STXBP5L: variants seen among roughly 807,000 people sequenced by gnomAD.
STXBP5L encodes the protein syntaxin binding protein 5L.
STXBP5L carries 65 observed loss-of-function variants against 144.5 expected under a neutral mutation model. That is an observed-to-expected ratio of 0.45 (90% confidence interval 0.37 to 0.55). STXBP5L has a LOEUF of 0.55. STXBP5L is among the 20% of genes least tolerant of loss of function. The probability of loss-of-function intolerance (pLI) is 0.00; values close to 1 mark genes in which losing one functional copy is unlikely to be tolerated. For synonymous variants in STXBP5L, 505 were observed against 469.6 expected (o/e 1.08, Z -0.97); for missense variants, 1,298 against 1,405.5 (o/e 0.92, Z 1.22).
intron 9 of STXBP5L, among the ~76,000 whole-genome samples, chr3:121,183,793 C>T (rs1021701793): frequency 6.6e-6 from 1 of 152,080 alleles, no homozygotes; most frequent in Non-Finnish European, 1.5e-5. Flanking sequence ...CAGGGGTTGA[C>T]AGACACCTCA....
At chr3:121,289,322 A>G (rs1457309228) in intron 19 of STXBP5L, among the ~76,000 whole-genome samples, 1 of 152,150 alleles carries the variant, frequency 6.6e-6, no homozygotes, top group Admixed American at 6.5e-5. Flanking sequence ...ATTAAATATG[A>G]TAAAAGGACT....
chr3:121,193,964 CATATA>C (rs1241737140), intron 9 of STXBP5L, among the ~76,000 whole-genome samples: 1 of 72,326 alleles, frequency 1.4e-5, no homozygotes, highest in Non-Finnish European at 2.7e-5. Flanking sequence ...TAGAAGTTAA[CATATA>C]ATAATAATAA....
chr3:121,303,252 A>C (rs1469305120), intron 19 of STXBP5L, among the ~76,000 whole-genome samples: 1 of 152,282 alleles, frequency 6.6e-6, no homozygotes, highest in Non-Finnish European at 1.5e-5. Context: ...GAAGACATTT[A>C]CACAGCCAAA....
intron 5 of STXBP5L, among the ~76,000 whole-genome samples, chr3:121,053,387 A>G (rs1256853895): frequency 6.6e-6 from 1 of 152,238 alleles, no homozygotes; most frequent in African/African-American, 2.4e-5. Context: ...CTGGTACCAA[A>G]ACAGAGATAT....
At chr3:121,036,301 C>A (rs1382398773) in intron 3 of STXBP5L, among the ~76,000 whole-genome samples, 2 of 152,116 alleles carry the variant, frequency 1.3e-5, no homozygotes, top group Non-Finnish European at 2.9e-5. Flanking sequence ...CCACTGTACT[C>A]CAGCCTGGGC....
intron 5 of STXBP5L, among the ~76,000 whole-genome samples, chr3:121,097,758 C>T (rs9853078): frequency 0.21 from 32,580 of 151,970 alleles, 3,706 homozygotes; most frequent in Non-Finnish European, 0.26. Context: ...TGTTCCTATT[C>T]GGCCATTTTG....
intron 7 of STXBP5L, among the ~76,000 whole-genome samples, chr3:121,141,512 T>C (rs1324486279): frequency 1.3e-5 from 2 of 152,134 alleles, no homozygotes; most frequent in East Asian, 1.9e-4. Flanking sequence ...ATTAGGACAG[T>C]GCAAAAGTAA....
At chr3:121,048,321 C>A (rs1947667554) in intron 5 of STXBP5L, among the ~76,000 whole-genome samples, 1 of 152,052 alleles carries the variant, frequency 6.6e-6, no homozygotes, top group South Asian at 2.1e-4. Context: ...AATTATGTGT[C>A]TTGGCCATGG....
intron 20 of STXBP5L, among the ~76,000 whole-genome samples, chr3:121,344,680 G>C (rs2044878599): frequency 6.6e-6 from 1 of 152,114 alleles, no homozygotes; most frequent in Admixed American, 6.6e-5. Context: ...GGAGGTTAAA[G>C]TACCCAATAA....
intron 7 of STXBP5L, among the ~76,000 whole-genome samples, chr3:121,136,534 T>C (rs2045265437): frequency 1.3e-5 from 2 of 152,284 alleles, no homozygotes; most frequent in African/African-American, 4.8e-5. Flanking sequence ...AGCTACCATC[T>C]CACACCAGTG....
chr3:121,182,059 G>T, intron 9 of STXBP5L, among the ~76,000 whole-genome samples: 1 of 152,016 alleles, frequency 6.6e-6, no homozygotes, highest in East Asian at 1.9e-4. Context: ...GAGAGAGATG[G>T]CAACACAGTA....
chr3:121,052,852 G>A (rs1395063093), intron 5 of STXBP5L, among the ~76,000 whole-genome samples: 3 of 152,142 alleles, frequency 2.0e-5, no homozygotes, highest in Non-Finnish European at 2.9e-5. Flanking sequence ...AAACCCCATT[G>A]TCTCAGCCCA....
intron 22 of STXBP5L, among the ~76,000 whole-genome samples, chr3:121,396,304 A>T (rs961104855): frequency 9.2e-5 from 14 of 152,204 alleles, no homozygotes; most frequent in Non-Finnish European, 1.9e-4. Context: ...TGTCCTTGAG[A>T]ATTGTATGGG....
At chr3:121,053,147 C>T (rs906707443) in intron 5 of STXBP5L, among the ~76,000 whole-genome samples, 1 of 152,080 alleles carries the variant, frequency 6.6e-6, no homozygotes, top group South Asian at 2.1e-4. Context: ...GAATCAATAT[C>T]GTGAAAATGG....
chr3:121,203,333 C>T (rs924943450), intron 9 of STXBP5L, among the ~76,000 whole-genome samples: 2 of 152,108 alleles, frequency 1.3e-5, no homozygotes, highest in Non-Finnish European at 2.9e-5. Flanking sequence ...TTAATCTAGT[C>T]AAATTGGCCT....
intron 3 of STXBP5L, among the ~76,000 whole-genome samples, chr3:121,001,408 G>C (rs1241372470): frequency 6.6e-6 from 1 of 152,174 alleles, no homozygotes; most frequent in Admixed American, 6.6e-5. Flanking sequence ...AGGCACGATA[G>C]CTCTGTTCTG....
chr3:121,320,541 C>G lies in STXBP5L; in HGVS notation c.2176+2001C>G, dbSNP rs189280905. On this transcript the variant is annotated intron_variant, in intron 20 of 26. Transcript: ENST00000471454. ...ATAAGTAGACTTTTTTTCTTGTTCC[C>G]AGTCTCATTGATAAGGCTTTCAATA... Among the ~76,000 whole-genome samples, 144 of 152,004 alleles carry G rather than the reference C, an allele frequency of 9.5e-4. 1 individual carries two copies. Among genetic ancestry groups the G allele is most frequent in the African/African-American group, 3.2e-3 (134 of 41,470 alleles).
At chr3:121,208,408 A>G (rs2048424679) in intron 10 of STXBP5L, among the ~76,000 whole-genome samples, 1 of 152,158 alleles carries the variant, frequency 6.6e-6, no homozygotes, top group Non-Finnish European at 1.5e-5. Flanking sequence ...GGTGCAGCAC[A>G]CCAACATGGT....
chr3:121,285,880 GTTA>G (rs2051215486), intron 19 of STXBP5L, among the ~76,000 whole-genome samples: 1 of 152,000 alleles, frequency 6.6e-6, no homozygotes, highest in Non-Finnish European at 1.5e-5. Context: ...ATAAATGTTA[GTTA>G]TTATAATTAT....
Sources: gnomAD v4.1 joint callset for allele counts (sites outside exome capture counted in the v4.1 genomes callset) on GRCh38, gnomAD v4.1.1 for gene constraint, MANE v1.5 for transcripts, NCBI Gene and HGNC (gene_info 2026-07-23, HGNC 2026-07-21) for gene names.